Variants in ATP13A4 observed in about 807,000 individuals in gnomAD.
ATP13A4 encodes ATPase 13A4.
In ATP13A4, 114 loss-of-function variants were observed where a neutral mutation model predicts 142.5. The ratio of observed to expected loss-of-function variants is 0.80; its 90% confidence interval spans 0.69 to 0.93. The LOEUF is 0.93. Ranked by LOEUF, ATP13A4 falls within the 40% of genes least tolerant of loss-of-function variation. The pLI is 0.00. For synonymous variants in ATP13A4, 488 were observed against 514.8 expected (o/e 0.95, Z 0.70); for missense variants, 1,392 against 1,454.0 (o/e 0.96, Z 0.69).
At chr3:193,510,588 A>G (rs1721092128) in intron 2 of ATP13A4, among the ~76,000 whole-genome samples, 1 of 152,212 alleles carries the variant, frequency 6.6e-6, no homozygotes, top group Non-Finnish European at 1.5e-5. Context: ...TAATGAACAG[A>G]ATGCTGCTTT....
chr3:193,554,698 G>C, intron 1 of ATP13A4, 42 bp downstream of exon 1: 2 of 1,531,886 alleles, frequency 1.3e-6, no homozygotes, highest in Non-Finnish European at 1.8e-6. Context: ...CTCGCAGGCT[G>C]AGAAGTGGGA....
At chr3:193,563,098 G>A (rs1384276394) in intron 2 of ATP13A4, among the ~76,000 whole-genome samples, 1 of 151,944 alleles carries the variant, frequency 6.6e-6, no homozygotes, top group Non-Finnish European at 1.5e-5. Context: ...ACATTTTTTA[G>A]GGAAAAAATA....
intron 2 of ATP13A4, among the ~76,000 whole-genome samples, chr3:193,511,944 T>G (rs369348282): frequency 2.9e-4 from 44 of 152,290 alleles, no homozygotes; most frequent in African/African-American, 1.1e-3. Context: ...TTTTTTTCTC[T>G]TTTCTCTCTC....
rs1049950599 is a variant in ATP13A4, at chr3:193,451,307, A to C, written c.2027+2794T>G. 4.6e-5 allele frequency among the ~76,000 whole-genome samples: 7 copies of C among 152,340 alleles called. No individual in the cohort carries two copies. In the East Asian group the frequency reaches 1.4e-3, roughly 29 times the overall value. Reference sequence around the variant, plus strand: ...GGCCAAGAAAATGGCTGCAGGGTCAAACATCTGCCATAGCCTATAGCCTAC... The same window carrying C: ...GGCCAAGAAAATGGCTGCAGGGTCACACATCTGCCATAGCCTATAGCCTAC... On this transcript the variant is annotated intron_variant, in intron 17 of 29. Transcript: ENST00000342695.
intron 7 of ATP13A4, among the ~76,000 whole-genome samples, chr3:193,487,082 T>C (rs1446235145): frequency 2.0e-5 from 3 of 152,122 alleles, no homozygotes; most frequent in Middle Eastern, 3.2e-3. Context: ...AAAAGTCAGA[T>C]AGAGAAGGAT....
intron 16 of ATP13A4, among the ~76,000 whole-genome samples, chr3:193,456,597 G>T (rs112527303): frequency 0.017 from 2,528 of 152,246 alleles, 38 homozygotes; most frequent in Middle Eastern, 0.058. Flanking sequence ...TAAAAAATCT[G>T]GTCACAGTAC....
intron 2 of ATP13A4, among the ~76,000 whole-genome samples, chr3:193,568,104 C>A (rs930999804): frequency 1.3e-5 from 2 of 152,046 alleles, no homozygotes; most frequent in African/African-American, 4.8e-5. Flanking sequence ...GGATTACAGG[C>A]ACATGCCACC....
At chr3:193,507,275 T>G (rs990516066) in intron 2 of ATP13A4, among the ~76,000 whole-genome samples, 1 of 152,212 alleles carries the variant, frequency 6.6e-6, no homozygotes, top group East Asian at 1.9e-4. Flanking sequence ...TCTAAAATGC[T>G]GCACTGCCTT....
intron 2 of ATP13A4, among the ~76,000 whole-genome samples, chr3:193,573,279 A>ATATATATGTG (rs1379038858): frequency 2.0e-5 from 2 of 99,790 alleles, no homozygotes; most frequent in East Asian, 2.5e-4. Flanking sequence ...ATATATACAT[A>ATATATATGTG]TATATATATA....
chr3:193,445,915 A>G (rs1031627380), intron 18 of ATP13A4, among the ~76,000 whole-genome samples: 1 of 152,166 alleles, frequency 6.6e-6, no homozygotes, highest in East Asian at 1.9e-4. Flanking sequence ...GGGATTTGAA[A>G]AAGATAATGA....
chr3:193,459,391 CAAGT>C (rs1367867040), intron 13 of ATP13A4, among the ~76,000 whole-genome samples, 160 bp from the exon 14 acceptor site: 5 of 152,184 alleles, frequency 3.3e-5, no homozygotes, highest in Admixed American at 6.5e-5. Flanking sequence ...TTCATTCAGC[CAAGT>C]AAGTTCACTG....
intron 3 of ATP13A4, among the ~76,000 whole-genome samples, chr3:193,500,030 A>T (rs1224500483): frequency 6.6e-6 from 1 of 152,174 alleles, no homozygotes. Flanking sequence ...CCCGCAGGAG[A>T]AAACATCTCT....
intron 28 of ATP13A4, 38 bp downstream of exon 28, chr3:193,410,944 A>C: frequency 7.9e-7 from 1 of 1,269,008 alleles, no homozygotes; most frequent in Non-Finnish European, 1.2e-6. Context: ...CTGTTACATA[A>C]CTGTAAAGCA....
intron 1 of ATP13A4, among the ~76,000 whole-genome samples, chr3:193,544,211 G>A (rs1723099301): frequency 6.6e-6 from 1 of 152,160 alleles, no homozygotes; most frequent in Non-Finnish European, 1.5e-5. Context: ...CATCTGCCAG[G>A]ACACAAGCAA....
chr3:193,496,978 T>C (rs1280993782), intron 3 of ATP13A4, among the ~76,000 whole-genome samples: 1 of 151,806 alleles, frequency 6.6e-6, no homozygotes, highest in Non-Finnish European at 1.5e-5. Context: ...AAAGAAAATA[T>C]AGGGGAAACG....
chr3:193,458,668 G>C, intron 14 of ATP13A4: 1 of 289,080 alleles, frequency 3.5e-6, no homozygotes, highest in Non-Finnish European at 6.5e-6. Context: ...TAGTCCCCGT[G>C]AATCTATGAG....
At chr3:193,476,308 A>G (rs913195095) in intron 8 of ATP13A4, among the ~76,000 whole-genome samples, 3 of 152,040 alleles carry the variant, frequency 2.0e-5, no homozygotes, top group African/African-American at 7.3e-5. Flanking sequence ...TTTAAACCTC[A>G]TAAGCCAAAC....
At chr3:193,554,945 T>C (rs1723825641), upstream of ATP13A4, 1 of 1,588,682 alleles carries the variant, frequency 6.3e-7, no homozygotes, top group South Asian at 1.1e-5. Context: ...AGCACACACC[T>C]TCTCTCAACA....
At chr3:193,576,906 G>C (rs1015616463) in intron 2 of ATP13A4, among the ~76,000 whole-genome samples, 3 of 152,206 alleles carry the variant, frequency 2.0e-5, no homozygotes, top group African/African-American at 4.8e-5. Context: ...AATCAAGATA[G>C]AATGGATGCT....
Sources: gnomAD v4.1 joint callset for allele counts (sites outside exome capture counted in the v4.1 genomes callset) on GRCh38, gnomAD v4.1.1 for gene constraint, MANE v1.5 for transcripts, NCBI Gene and HGNC (gene_info 2026-07-23, HGNC 2026-07-21) for gene names.